AFG2A: variants seen among roughly 807,000 people sequenced by gnomAD.
AFG2A encodes ATPase family gene 2 protein homolog A.
At chr4:123,003,548 G>T in the AFG2A span, among the ~76,000 whole-genome samples, 2 of 152,310 alleles carry the variant, frequency 1.3e-5, no homozygotes, top group Admixed American at 6.5e-5. Flanking sequence ...CTGCAGGTCT[G>T]TTGGAGTTTG....
the AFG2A span, among the ~76,000 whole-genome samples, chr4:123,299,558 C>T: frequency 3.3e-5 from 5 of 152,068 alleles, no homozygotes; most frequent in African/African-American, 1.2e-4. Context: ...AAATAGTTTC[C>T]ATTGTATCAT....
the AFG2A span, among the ~76,000 whole-genome samples, chr4:123,108,719 G>T: frequency 6.6e-6 from 1 of 152,026 alleles, no homozygotes; most frequent in African/African-American, 2.4e-5. Flanking sequence ...TAAAAGTATA[G>T]TATATTCTAT....
At chr4:123,021,988 A>G in the AFG2A span, among the ~76,000 whole-genome samples, 2 of 151,656 alleles carry the variant, frequency 1.3e-5, no homozygotes, top group Admixed American at 1.3e-4. Context: ...AGCCATATGT[A>G]GAAAGCTGAA....
chr4:123,212,164 T>G, the AFG2A span, among the ~76,000 whole-genome samples: 16 of 152,176 alleles, frequency 1.1e-4, no homozygotes, highest in African/African-American at 3.9e-4. Context: ...TTCCTTAGTT[T>G]CCATTTCCTT....
the AFG2A span, among the ~76,000 whole-genome samples, chr4:122,963,840 G>A: frequency 6.6e-6 from 1 of 152,086 alleles, no homozygotes; most frequent in African/African-American, 2.4e-5. Flanking sequence ...GAGTTTTTAT[G>A]CTTTCCATAA....
At chr4:123,150,883 A>G in the AFG2A span, among the ~76,000 whole-genome samples, 1 of 152,232 alleles carries the variant, frequency 6.6e-6, no homozygotes. Context: ...GCAAGGCTAC[A>G]GTAACCAAAG....
At chr4:122,927,294 T>C in the AFG2A span, among the ~76,000 whole-genome samples, 1 of 152,216 alleles carries the variant, frequency 6.6e-6, no homozygotes, top group Admixed American at 6.5e-5. Context: ...CTTTGAATAC[T>C]AGTAGCTGAC....
At chr4:123,266,624 A>G in the AFG2A span, among the ~76,000 whole-genome samples, 1 of 151,892 alleles carries the variant, frequency 6.6e-6, no homozygotes, top group African/African-American at 2.4e-5. Flanking sequence ...ATTTATAAAC[A>G]TCTGTAATCC....
At chr4:123,224,688 T>C in the AFG2A span, among the ~76,000 whole-genome samples, 10 of 152,214 alleles carry the variant, frequency 6.6e-5, no homozygotes, top group Admixed American at 2.0e-4. Context: ...CATGTGTCTT[T>C]ATAGCAGCAT....
the AFG2A span, among the ~76,000 whole-genome samples, chr4:123,212,575 G>A: frequency 3.4e-4 from 52 of 152,046 alleles, no homozygotes; most frequent in Non-Finnish European, 1.5e-4. Context: ...ATCAAAATTC[G>A]ATACTGGTTG....
the AFG2A span, among the ~76,000 whole-genome samples, chr4:123,262,841 A>G: frequency 2.6e-5 from 4 of 152,224 alleles, no homozygotes; most frequent in African/African-American, 9.6e-5. Context: ...TGATGTGCAG[A>G]ATGCTATAGG....
chr4:122,966,005 G>A, the AFG2A span, among the ~76,000 whole-genome samples: 1 of 152,112 alleles, frequency 6.6e-6, no homozygotes, highest in Non-Finnish European at 1.5e-5. Context: ...TTGTGCCTGA[G>A]CTAGTTAATG....
chr4:123,296,695 C>A, the AFG2A span, among the ~76,000 whole-genome samples: 2 of 152,130 alleles, frequency 1.3e-5, no homozygotes, highest in Non-Finnish European at 2.9e-5. Flanking sequence ...GGGTAGCAGG[C>A]GAGTGATTTC....
chr4:122,964,557 T>C, the AFG2A span, among the ~76,000 whole-genome samples: 1 of 151,650 alleles, frequency 6.6e-6, no homozygotes, highest in Non-Finnish European at 1.5e-5. Flanking sequence ...AATAATCGAC[T>C]ACTCTTTCAG....
chr4:122,954,210 G>A, the AFG2A span, among the ~76,000 whole-genome samples: 4 of 152,076 alleles, frequency 2.6e-5, no homozygotes, highest in Non-Finnish European at 4.4e-5. Context: ...GGTGGCATGC[G>A]ATGTATGCCA....
chr4:123,119,239 A>T, the AFG2A span, among the ~76,000 whole-genome samples: 1 of 152,244 alleles, frequency 6.6e-6, no homozygotes, highest in East Asian at 1.9e-4. Context: ...GTTTACCGGT[A>T]AGTCACCTTG....
chr4:123,083,739 G>T, the AFG2A span, among the ~76,000 whole-genome samples: 6 of 151,492 alleles, frequency 4.0e-5, no homozygotes, highest in Non-Finnish European at 4.4e-5. Context: ...GTTGAGGATT[G>T]TTGCATCTAT....
chr4:122,990,640 A>G, the AFG2A span, among the ~76,000 whole-genome samples: 12 of 152,262 alleles, frequency 7.9e-5, no homozygotes, highest in South Asian at 2.1e-4. Flanking sequence ...CTGGAGTGCA[A>G]TGGTGCAGTC....
the AFG2A span, among the ~76,000 whole-genome samples, chr4:122,966,427 A>G: frequency 7.2e-5 from 11 of 152,016 alleles, no homozygotes; most frequent in African/African-American, 2.4e-4. Flanking sequence ...AACTCTGGAG[A>G]CTTAGGATTT....
Sources: allele counts gnomAD v4.1 joint callset (sites outside exome capture counted in the v4.1 genomes callset), GRCh38; gene constraint gnomAD v4.1.1; transcripts MANE v1.5; gene names NCBI Gene and HGNC (gene_info 2026-07-23, HGNC 2026-07-21).